RTN4: variants seen among roughly 807,000 people sequenced by gnomAD.
RTN4 encodes reticulon-4.
Under a neutral mutation model 90.4 loss-of-function variants are expected in RTN4, and 32 were observed. The observed-to-expected ratio is 0.35, with a 90% CI of 0.27 to 0.48. The LOEUF is 0.48. RTN4 is among the 20% of genes least tolerant of loss of function. The pLI is 0.99. For synonymous variants in RTN4, 629 were observed against 552.5 expected, an observed-to-expected ratio of 1.14 and a Z score of -1.94; for missense variants, 1,706 against 1,430.2, an observed-to-expected ratio of 1.19 and a Z score of -3.11.
In RTN4 at chr2:55,013,853, G is replaced by A. The variant is rs560204230; in HGVS notation, c.3013+11233C>T. On this transcript the variant is annotated intron_variant, in intron 3 of 8. Coordinates refer to ENST00000337526, the MANE Select transcript of RTN4 (RefSeq NM_020532.5). Reference sequence around the variant, plus strand: ...ACAACATTTAGAGATGCAAGGGAAAGAGGGTGGGAAAGCAGCAATCATTTG... The same window carrying A: ...ACAACATTTAGAGATGCAAGGGAAAAAGGGTGGGAAAGCAGCAATCATTTG... 6.0e-4 allele frequency among the ~76,000 whole-genome samples: 91 copies of A among 152,284 alleles called. 1 individual carries two copies. The highest frequency in any genetic ancestry group is 1.9e-3 in the African/African-American group (77 of 41,558).
At chr2:55,132,515 A>G in the RTN4 span, among the ~76,000 whole-genome samples, 8 of 130,940 alleles carry the variant, frequency 6.1e-5, no homozygotes, top group African/African-American at 2.3e-4. Flanking sequence ...AAAAAAAAAA[A>G]CCTTTTAAAT....
chr2:55,025,182 G>A lies in RTN4; in HGVS notation c.2917C>T (p.Leu973Phe), dbSNP rs749372472. The change falls in exon 3 of 9, where the codon CTT becomes TTT. Residue 973 changes from leucine to phenylalanine, a missense_variant. Leu to Phe is a conservative substitution (Grantham distance 22). Transcript: ENST00000337526. ...AGTTTTTTCTCAGCTTCTTTCACAA[G>A]AACTTTGGGTTTAACTATGCTCTCT... Reference protein sequence around the residue: ...EIESIVKPKVLVKEAEKKLPS... With the variant: ...EIESIVKPKVFVKEAEKKLPS... 2.5e-6 allele frequency: 4 copies of A among 1,613,742 alleles called. No individual in the cohort carries two copies. In the Admixed American group the frequency reaches 6.7e-5, roughly 27 times the overall value.
At chr2:55,047,533 C>A (rs186575032) in intron 1 of RTN4, among the ~76,000 whole-genome samples, 1 of 149,708 alleles carries the variant, frequency 6.7e-6, no homozygotes, top group African/African-American at 2.5e-5. Flanking sequence ...TAAAAAGCAT[C>A]GCAATTGGCT....
At chr2:55,086,316 A>G (rs1668836528) in intron 1 of RTN4, among the ~76,000 whole-genome samples, 1 of 152,088 alleles carries the variant, frequency 6.6e-6, no homozygotes, top group Non-Finnish European at 1.5e-5. Flanking sequence ...ACCTCAATAA[A>G]TTTTCACAAA....
At chr2:55,089,063 G>T (rs186295299) in intron 1 of RTN4, among the ~76,000 whole-genome samples, 115 of 152,228 alleles carry the variant, frequency 7.6e-4, no homozygotes, top group African/African-American at 2.7e-3. Context: ...CTCCCGAGTA[G>T]CTGGGACTAC....
intron 1 of RTN4, among the ~76,000 whole-genome samples, chr2:55,102,164 A>AT (rs2105057189): frequency 6.6e-6 from 1 of 152,190 alleles, no homozygotes; most frequent in African/African-American, 2.4e-5. Flanking sequence ...TGCCTAAATC[A>AT]TTTTTCAGTT....
At position 55,010,276 on chromosome 2, in the gene RTN4, G is replaced by A. The variant is rs995363637; in HGVS notation, c.3013+14810C>T. ...GCTGCACAACTGCAGCAGGACTGAAGTCACCTGACGTCTTCTGGGTGTGGA... is the reference window on the plus strand; with the variant it reads ...GCTGCACAACTGCAGCAGGACTGAAATCACCTGACGTCTTCTGGGTGTGGA... On this transcript the variant is annotated intron_variant, in intron 3 of 8. Transcript: ENST00000337526. The A allele has an allele frequency of 5.1e-5, 76 of 1,477,372 alleles. No individual in the cohort carries two copies. The African/African-American group carries it at 8.3e-4, about 16-fold the overall frequency. 91.5% of individuals were successfully genotyped at this position (1,477,372 alleles called of 1,614,324 possible). A position where few individuals can be genotyped will look rare whatever the true frequency, so the allele number is the denominator to read the frequency against.
intron 1 of RTN4, among the ~76,000 whole-genome samples, chr2:55,093,847 T>A (rs1356631056): frequency 1.3e-5 from 2 of 152,174 alleles, no homozygotes; most frequent in Non-Finnish European, 1.5e-5. Context: ...TTCTGTTACT[T>A]GAATGGTTTG....
rs935918858 is a variant in RTN4, at chr2:55,050,379, G to C, written c.-79C>G. The C allele has an allele frequency of 2.2e-6, 2 of 928,476 alleles. No homozygotes were observed. Among genetic ancestry groups the C allele is most frequent in the Non-Finnish European group, 3.0e-6 (2 of 671,962 alleles). 57.5% of individuals were successfully genotyped at this position (928,476 alleles called of 1,614,324 possible). On this transcript the variant is annotated 5_prime_UTR_variant, in exon 1 of 9. Transcript: ENST00000337526. The surrounding 1 kb of genome is among the most constrained non-coding windows in gnomAD (Gnocchi z 4.6). The stretch of plus-strand genomic sequence containing the variant: ...TCTCAGAGCCGCGGGCGGTTGTGGG[G>C]GTTGGGGAGGACTGAGAGGGGCTGG...
At chr2:55,081,127 C>T (rs1433003530) in intron 1 of RTN4, among the ~76,000 whole-genome samples, 6 of 151,932 alleles carry the variant, frequency 3.9e-5, no homozygotes, top group East Asian at 1.9e-4. Context: ...CAGGCTGGAG[C>T]GCAGTGGCAT....
intron 1 of RTN4, chr2:55,049,149 T>G: frequency 1.0e-6 from 1 of 985,956 alleles, no homozygotes; most frequent in Non-Finnish European, 1.2e-6. Context: ...TGCGGTTGGG[T>G]CAATGTGGAC....
rs1668040235 is a variant in RTN4, at chr2:55,050,389, G to T, written c.-89C>A. The T allele has an allele frequency of 5.2e-6, 4 of 775,230 alleles. No individual in the cohort carries two copies. Among genetic ancestry groups the T allele is most frequent in the Non-Finnish European group, 7.5e-6 (4 of 533,892 alleles). 48.0% of individuals were successfully genotyped at this position (775,230 alleles called of 1,614,324 possible). The stretch of plus-strand genomic sequence containing the variant: ...GCGGGCGGTTGTGGGGGTTGGGGAG[G>T]ACTGAGAGGGGCTGGGCCGACTGAG... On this transcript the variant is annotated 5_prime_UTR_variant, in exon 1 of 9. Coordinates refer to ENST00000337526, the MANE Select transcript of RTN4 (RefSeq NM_020532.5). This position sits in a 1 kb window ranked among gnomAD's most constrained non-coding sequence, Gnocchi z 4.6.
chr2:55,083,662 G>T (rs1021630514), intron 1 of RTN4, among the ~76,000 whole-genome samples: 1 of 152,146 alleles, frequency 6.6e-6, no homozygotes, highest in African/African-American at 2.4e-5. Context: ...AACTATAAGG[G>T]GAAAAATTGT....
chr2:55,103,991 G>A (rs1667899217), intron 1 of RTN4, among the ~76,000 whole-genome samples: 1 of 151,646 alleles, frequency 6.6e-6, no homozygotes, highest in African/African-American at 2.4e-5. Flanking sequence ...CACCGCACCT[G>A]GCCTATGTGT....
chr2:54,983,352 T>TA (rs951061932), intron 4 of RTN4, among the ~76,000 whole-genome samples: 1 of 141,422 alleles, frequency 7.1e-6, no homozygotes, highest in East Asian at 2.0e-4. Flanking sequence ...AATAAATAAA[T>TA]AAAAATACTA....
chr2:55,017,544 G>C (rs547804314), intron 3 of RTN4, among the ~76,000 whole-genome samples: 46 of 152,274 alleles, frequency 3.0e-4, no homozygotes, highest in Admixed American at 2.7e-3. Context: ...AGTTCAGCAA[G>C]ACACAATCTA....
intron 1 of RTN4, among the ~76,000 whole-genome samples, chr2:55,047,489 G>A (rs966431860): frequency 2.0e-5 from 3 of 151,908 alleles, no homozygotes; most frequent in Non-Finnish European, 4.4e-5. Context: ...TGAGTAGTAT[G>A]GGGGTGAGGA....
chr2:54,973,365 T>TAAAC (rs1390602522), intron 8 of RTN4, 167 bp from the exon 9 acceptor site: 5 of 756,682 alleles, frequency 6.6e-6, no homozygotes, highest in South Asian at 5.5e-5. Flanking sequence ...GAATTAGATT[T>TAAAC]AAACAAAGCC....
intron 3 of RTN4, among the ~76,000 whole-genome samples, chr2:54,990,528 T>A (rs988803474): frequency 6.6e-6 from 1 of 152,334 alleles, no homozygotes; most frequent in South Asian, 2.1e-4. Context: ...TCAGTGCTAT[T>A]TGTTGCTGTT....
Sources: gnomAD v4.1 joint callset for allele counts (sites outside exome capture counted in the v4.1 genomes callset) on GRCh38, gnomAD v4.1.1 for gene constraint, Gnocchi (gnomAD v3.1) non-coding constraint, MANE v1.5 for transcripts, NCBI Gene and HGNC (gene_info 2026-07-23, HGNC 2026-07-21) for gene names.